MTUS2: variants seen among roughly 807,000 people sequenced by gnomAD.
The protein encoded by MTUS2 is microtubule-associated tumor suppressor candidate 2.
A neutral mutation model predicts 114.1 loss-of-function variants in MTUS2; 40 were observed. That is an observed-to-expected ratio of 0.35 (90% CI 0.27 to 0.46). MTUS2 has a LOEUF of 0.46. MTUS2 is among the 20% of genes least tolerant of loss of function. The pLI is 1.00. For synonymous variants in MTUS2, 688 were observed against 672.0 expected (o/e 1.02, Z -0.37); for missense variants, 1,679 against 1,705.4 (o/e 0.98, Z 0.27).
chr13:29,146,634 TTAAGA>T (rs1892444526), intron 5 of MTUS2, among the ~76,000 whole-genome samples: 1 of 152,306 alleles, frequency 6.6e-6, no homozygotes, highest in South Asian at 2.1e-4. Context: ...TACTTGACAC[TTAAGA>T]TAAATAAATT....
intron 4 of MTUS2, among the ~76,000 whole-genome samples, chr13:29,078,141 T>C (rs891733254): frequency 6.8e-6 from 1 of 146,790 alleles, no homozygotes; most frequent in African/African-American, 2.5e-5. Flanking sequence ...ATGATAAAAA[T>C]GAAAGAAATG....
At chr13:28,823,618 C>G (rs940158037) in intron 1 of MTUS2, among the ~76,000 whole-genome samples, 1 of 152,212 alleles carries the variant, frequency 6.6e-6, no homozygotes, top group Non-Finnish European at 1.5e-5. Context: ...TGGGCCTCAA[C>G]CTTGGCCCGT....
At chr13:29,125,773 T>G (rs973602400) in intron 5 of MTUS2, among the ~76,000 whole-genome samples, 1 of 152,186 alleles carries the variant, frequency 6.6e-6, no homozygotes, top group South Asian at 2.1e-4. Flanking sequence ...AGAGGACTTC[T>G]TTTTGGTTAA....
intron 5 of MTUS2, among the ~76,000 whole-genome samples, chr13:29,231,040 C>T (rs1896303466): frequency 6.6e-6 from 1 of 152,148 alleles, no homozygotes; most frequent in Non-Finnish European, 1.5e-5. Context: ...TACATCTGAT[C>T]CATCCAGCCA....
chr13:29,181,891 CAG>C (rs1367421131), intron 5 of MTUS2, among the ~76,000 whole-genome samples: 3 of 151,646 alleles, frequency 2.0e-5, no homozygotes, highest in African/African-American at 7.3e-5. Context: ...AAATAACTAA[CAG>C]ATACTCTTCT....
chr13:28,940,808 G>A (rs774489551), intron 2 of MTUS2, among the ~76,000 whole-genome samples: 1 of 152,120 alleles, frequency 6.6e-6, no homozygotes, highest in Non-Finnish European at 1.5e-5. Context: ...AGACACATGG[G>A]ACATGGTAAA....
intron 2 of MTUS2, among the ~76,000 whole-genome samples, chr13:29,022,204 T>C (rs545385722): frequency 1.3e-5 from 2 of 152,280 alleles, no homozygotes; most frequent in East Asian, 3.9e-4. Flanking sequence ...GAAATGATCT[T>C]ATGTATGTAA....
intron 2 of MTUS2, among the ~76,000 whole-genome samples, chr13:29,022,247 GAA>G (rs1391750497): frequency 6.6e-6 from 1 of 152,158 alleles, no homozygotes; most frequent in Non-Finnish European, 1.5e-5. Flanking sequence ...AGACGCAAAA[GAA>G]AAGAGATCTC....
At chr13:29,090,810 C>T (rs896890866) in intron 4 of MTUS2, among the ~76,000 whole-genome samples, 5 of 152,206 alleles carry the variant, frequency 3.3e-5, no homozygotes, top group Admixed American at 6.5e-5. Context: ...GGGATGGGCA[C>T]CTATGGCTGT....
At chr13:29,165,452 A>G (rs1366525965) in intron 5 of MTUS2, among the ~76,000 whole-genome samples, 2 of 152,172 alleles carry the variant, frequency 1.3e-5, no homozygotes, top group Non-Finnish European at 2.9e-5. Context: ...TATGTAGCCC[A>G]TAGTTGCTTA....
rs1415509734 is a variant in MTUS2, at chr13:28,915,255, A to G, written c.-243+75405A>G. On this transcript the variant is annotated intron_variant, in intron 2 of 15. Transcript: ENST00000612955. ...TATTTTGAGCAGTGCTGCAAGAAAC[A>G]TAGGAGTGCAGATAGCTCTTCAATA... Among the ~76,000 whole-genome samples the G allele has an allele frequency of 2.0e-5, 3 of 152,014 alleles. 1 individual carries two copies. Among genetic ancestry groups the G allele is most frequent in the South Asian group, 4.1e-4 (2 of 4,830 alleles).
chr13:28,966,384 GTTC>G (rs2138233930), intron 2 of MTUS2, among the ~76,000 whole-genome samples: 1 of 152,226 alleles, frequency 6.6e-6, no homozygotes, highest in Admixed American at 6.5e-5. Flanking sequence ...TTTTGCACAA[GTTC>G]TTATTAGATA....
intron 2 of MTUS2, among the ~76,000 whole-genome samples, chr13:28,853,725 A>G (rs1207985774): frequency 6.6e-6 from 1 of 152,258 alleles, no homozygotes; most frequent in Non-Finnish European, 1.5e-5. Flanking sequence ...AAAAGTGCAA[A>G]TGAGCATCAA....
At chr13:29,407,456 T>G (rs1439744567) in intron 8 of MTUS2, among the ~76,000 whole-genome samples, 1 of 125,258 alleles carries the variant, frequency 8.0e-6, no homozygotes, top group Non-Finnish European at 1.7e-5. Context: ...ACTTATTTAT[T>G]TATTTATTTA....
At chr13:29,148,559 A>C (rs1471003408) in intron 5 of MTUS2, among the ~76,000 whole-genome samples, 3 of 66,528 alleles carry the variant, frequency 4.5e-5, no homozygotes, top group African/African-American at 1.0e-4. Flanking sequence ...GCTCACTGCA[A>C]GCTCCGCCTC....
At chr13:29,188,379 T>G (rs1894308705) in intron 5 of MTUS2, among the ~76,000 whole-genome samples, 1 of 152,202 alleles carries the variant, frequency 6.6e-6, no homozygotes, top group South Asian at 2.1e-4. Flanking sequence ...GTAGGCATGT[T>G]ATATGAATGA....
intron 5 of MTUS2, among the ~76,000 whole-genome samples, chr13:29,159,308 CTA>C (rs896346129): frequency 1.3e-5 from 2 of 152,064 alleles, no homozygotes; most frequent in Non-Finnish European, 2.9e-5. Context: ...TATTCTCTCT[CTA>C]TGTGCATGTG....
At chr13:29,487,730 C>G (rs927800860) in intron 10 of MTUS2, 170 bp from the exon 11 acceptor site, 2 of 627,030 alleles carry the variant, frequency 3.2e-6, no homozygotes, top group African/African-American at 3.6e-5. Context: ...GTGACCTCCC[C>G]GTGATTCCGA....
chr13:28,834,942 A>G (rs957453709), intron 1 of MTUS2, among the ~76,000 whole-genome samples: 6 of 152,240 alleles, frequency 3.9e-5, no homozygotes, highest in Non-Finnish European at 7.3e-5. Flanking sequence ...GGCAGTCTAC[A>G]TTAGTCATTA....
Sources: allele counts gnomAD v4.1 joint callset (sites outside exome capture counted in the v4.1 genomes callset), GRCh38; gene constraint gnomAD v4.1.1; transcripts MANE v1.5; gene names NCBI Gene and HGNC (gene_info 2026-07-23, HGNC 2026-07-21).